ASTN2: variants seen among roughly 807,000 people sequenced by gnomAD.
ASTN2 encodes astrotactin-2.
In ASTN2, 54 loss-of-function variants were observed where a neutral mutation model predicts 139.8. The ratio of observed to expected loss-of-function variants is 0.39; its 90% CI spans 0.31 to 0.48. The LOEUF is 0.48. ASTN2 is among the 20% of genes least tolerant of loss of function. The pLI is 0.95. For missense variants in ASTN2, 1,565 were observed against 1,725.1 expected (o/e 0.91, Z 1.64); for synonymous variants, 756 against 719.5 (o/e 1.05, Z -0.81).
chr9:117,412,676 T>C (rs1564191245), intron 1 of ASTN2, among the ~76,000 whole-genome samples: 2 of 152,142 alleles, frequency 1.3e-5, no homozygotes, highest in Non-Finnish European at 2.9e-5. Context: ...GAATGGCCGT[T>C]TGGGGGGCGG....
intron 19 of ASTN2, among the ~76,000 whole-genome samples, chr9:116,595,723 T>C (rs1854544027): frequency 6.6e-6 from 1 of 152,152 alleles, no homozygotes; most frequent in Non-Finnish European, 1.5e-5. Context: ...TAGCATAATT[T>C]ACATATTTGA....
At chr9:116,477,970 A>G (rs2119042354) in intron 20 of ASTN2, among the ~76,000 whole-genome samples, 1 of 151,384 alleles carries the variant, frequency 6.6e-6, no homozygotes, top group East Asian at 1.9e-4. Context: ...GAGAACAAGA[A>G]AGAAAAGAGA....
chr9:116,961,808 A>G (rs1428329032), intron 10 of ASTN2, among the ~76,000 whole-genome samples: 1 of 152,232 alleles, frequency 6.6e-6, no homozygotes, highest in African/African-American at 2.4e-5. Context: ...GAGTTTAAAA[A>G]TATCCTAATG....
intron 3 of ASTN2, among the ~76,000 whole-genome samples, chr9:117,151,071 T>G (rs540220652): frequency 1.3e-5 from 2 of 152,046 alleles, no homozygotes; most frequent in African/African-American, 4.8e-5. Flanking sequence ...CTACGTTGCT[T>G]AGGATAGACT....
At position 117,078,987 on chromosome 9, in the gene ASTN2, C is replaced by T. The variant is rs369333935; in HGVS notation, c.1276+17057G>A. Among the ~76,000 whole-genome samples, 5 of 152,278 alleles carry T rather than the reference C, an allele frequency of 3.3e-5. No individual in the cohort carries two copies. In the East Asian group the frequency reaches 7.8e-4, roughly 24 times the overall value. ...CTGACCTCAGGCGATCTGCCTGCCT[C>T]GGCCTCCCAAAGTGCTGAGATTACA... On this transcript the variant is annotated intron_variant, in intron 5 of 22. Coordinates refer to ENST00000313400, the MANE Select transcript of ASTN2 (RefSeq NM_001365068.1).
intron 17 of ASTN2, among the ~76,000 whole-genome samples, chr9:116,648,244 C>T (rs1257353588): frequency 6.6e-6 from 1 of 152,072 alleles, no homozygotes; most frequent in Non-Finnish European, 1.5e-5. Context: ...TCATGATCAG[C>T]CCGTCTCGGC....
intron 10 of ASTN2, among the ~76,000 whole-genome samples, chr9:116,954,003 T>C (rs1468388342): frequency 6.6e-6 from 1 of 152,222 alleles, no homozygotes; most frequent in East Asian, 1.9e-4. Flanking sequence ...TTGGGCGGGT[T>C]ACACAGGGCT....
intron 4 of ASTN2, among the ~76,000 whole-genome samples, chr9:117,123,153 G>A (rs1227632912): frequency 6.6e-6 from 1 of 152,026 alleles, no homozygotes; most frequent in Non-Finnish European, 1.5e-5. Context: ...ACAGTGGCAG[G>A]GGCTGAGAAT....
At chr9:116,844,981 A>G (rs1408178626) in intron 11 of ASTN2, among the ~76,000 whole-genome samples, 1 of 152,170 alleles carries the variant, frequency 6.6e-6, no homozygotes. Context: ...TATTGCTGTT[A>G]TTAGCTTGAT....
At chr9:116,517,966 G>T (rs1316848944) in intron 19 of ASTN2, among the ~76,000 whole-genome samples, 2 of 151,976 alleles carry the variant, frequency 1.3e-5, no homozygotes, top group Non-Finnish European at 2.9e-5. Context: ...AAACAAAAAA[G>T]AACTTCAAAA....
At chr9:117,045,096 A>T (rs1402909702) in intron 5 of ASTN2, among the ~76,000 whole-genome samples, 1 of 152,206 alleles carries the variant, frequency 6.6e-6, no homozygotes, top group African/African-American at 2.4e-5. Flanking sequence ...GGTCAGGCAT[A>T]TCTATGTTCA....
At chr9:116,675,931 T>C (rs1001065263) in intron 16 of ASTN2, among the ~76,000 whole-genome samples, 2 of 152,228 alleles carry the variant, frequency 1.3e-5, no homozygotes, top group African/African-American at 2.4e-5. Context: ...TGACATTGCG[T>C]GCTGAACAAG....
At chr9:116,515,229 G>T (rs1009968455) in intron 19 of ASTN2, among the ~76,000 whole-genome samples, 3 of 152,146 alleles carry the variant, frequency 2.0e-5, no homozygotes, top group Non-Finnish European at 4.4e-5. Flanking sequence ...GTGTTTTCTT[G>T]TGACAGCACC....
chr9:117,288,160 C>G (rs1834496060), intron 2 of ASTN2, among the ~76,000 whole-genome samples: 1 of 152,216 alleles, frequency 6.6e-6, no homozygotes, highest in Non-Finnish European at 1.5e-5. Context: ...TTTACTCTCA[C>G]TTTCTGGACT....
chr9:116,591,623 A>C (rs754572312), intron 19 of ASTN2, among the ~76,000 whole-genome samples: 15 of 152,268 alleles, frequency 9.9e-5, no homozygotes, highest in Non-Finnish European at 1.9e-4. Flanking sequence ...AAGCATGGGA[A>C]GCTAGAAAAA....
intron 13 of ASTN2, among the ~76,000 whole-genome samples, chr9:116,802,202 T>C (rs1472660947): frequency 4.0e-5 from 6 of 149,632 alleles, no homozygotes; most frequent in Non-Finnish European, 8.9e-5. Flanking sequence ...TTCTCCTGCC[T>C]CAGCCTCCTA....
At chr9:116,648,186 G>GCATCTCT (rs1287086280) in intron 17 of ASTN2, among the ~76,000 whole-genome samples, 1 of 152,034 alleles carries the variant, frequency 6.6e-6, no homozygotes, top group Non-Finnish European at 1.5e-5. Flanking sequence ...ATTTTTAGTA[G>GCATCTCT]AGATGGGGTT....
intron 5 of ASTN2, among the ~76,000 whole-genome samples, chr9:117,056,543 G>A (rs1392225208): frequency 6.6e-6 from 1 of 152,144 alleles, no homozygotes; most frequent in South Asian, 2.1e-4. Context: ...CAGGATACAT[G>A]CTTGGCTATT....
intron 13 of ASTN2, among the ~76,000 whole-genome samples, chr9:116,748,706 T>A (rs1018974111): frequency 6.6e-6 from 1 of 152,088 alleles, no homozygotes; most frequent in Non-Finnish European, 1.5e-5. Context: ...GGCGACTGAC[T>A]CTCCCTGAAT....
Sources: gnomAD v4.1 joint callset for allele counts (sites outside exome capture counted in the v4.1 genomes callset) on GRCh38, gnomAD v4.1.1 for gene constraint, MANE v1.5 for transcripts, NCBI Gene and HGNC (gene_info 2026-07-23, HGNC 2026-07-21) for gene names.